Variants in CEMIP2 observed in about 807,000 individuals in gnomAD.
CEMIP2 encodes cell migration inducing hyaluronidase 2, also known as cell surface hyaluronidase CEMIP2.
Under a neutral mutation model 146.9 loss-of-function variants are expected in CEMIP2, and 79 were observed. That is an observed-to-expected ratio of 0.54 (90% CI 0.45 to 0.65). The LOEUF (loss-of-function observed/expected upper bound fraction) is 0.65, where lower values mean the gene tolerates loss of function less well. CEMIP2 is among the 30% of genes least tolerant of loss of function. The probability of loss-of-function intolerance (pLI) is 0.00; values close to 1 mark genes in which losing one functional copy is unlikely to be tolerated. For synonymous variants in CEMIP2, 601 were observed against 606.3 expected, an observed-to-expected ratio of 0.99 and a Z score of 0.13; for missense variants, 1,596 against 1,696.2, an observed-to-expected ratio of 0.94 and a Z score of 1.04.
intron 7 of CEMIP2, chr9:71,731,116 A>T: frequency 1.7e-6 from 1 of 593,308 alleles, no homozygotes; most frequent in Non-Finnish European, 3.0e-6. Context: ...AGCCACAAAA[A>T]TAGCCTCCAA....
chr9:71,725,763 A>G, intron 10 of CEMIP2, 54 bp from the exon 11 acceptor site: 1 of 1,549,540 alleles, frequency 6.5e-7, no homozygotes, highest in East Asian at 2.3e-5. Flanking sequence ...GATATCTATG[A>G]AACACTCTCA....
At chr9:71,718,223 A>C (rs1027483292) in intron 12 of CEMIP2, 144 bp from the exon 13 acceptor site, 46 of 752,822 alleles carry the variant, frequency 6.1e-5, no homozygotes, top group Non-Finnish European at 8.5e-5. Flanking sequence ...CTTACATTTT[A>C]AACATTCAAA....
At chr9:71,758,595 C>T (rs560522643) in intron 1 of CEMIP2, among the ~76,000 whole-genome samples, 2 of 152,266 alleles carry the variant, frequency 1.3e-5, no homozygotes, top group African/African-American at 4.8e-5. Context: ...ACAGGTAGCA[C>T]CCCTGAGAGG....
At chr9:71,695,577 G>A (rs1589128000) in intron 20 of CEMIP2, among the ~76,000 whole-genome samples, 1 of 152,176 alleles carries the variant, frequency 6.6e-6, no homozygotes, top group Admixed American at 6.5e-5. Flanking sequence ...GGGAGGCTGA[G>A]GCAGGAGAAT....
At chr9:71,724,558 G>A (rs530865143) in intron 11 of CEMIP2, among the ~76,000 whole-genome samples, 14 of 151,996 alleles carry the variant, frequency 9.2e-5, no homozygotes, top group African/African-American at 2.2e-4. Flanking sequence ...ACTCTGGTGC[G>A]GGTCACATCA....
intron 3 of CEMIP2, 108 bp downstream of exon 3, chr9:71,746,093 A>G (rs1325502501): frequency 2.4e-6 from 3 of 1,275,550 alleles, no homozygotes; most frequent in East Asian, 2.4e-5. Context: ...TGACACCACA[A>G]ACTAAAGCCT....
At chr9:71,740,360 CTA>C in intron 4 of CEMIP2, 128 bp from the exon 5 acceptor site, 1 of 1,119,754 alleles carries the variant, frequency 8.9e-7, no homozygotes, top group East Asian at 2.5e-5. Flanking sequence ...AATGTTTTTT[CTA>C]TATGAGGCTG....
intron 19 of CEMIP2, chr9:71,699,531 A>G: frequency 2.7e-6 from 1 of 375,112 alleles, no homozygotes. Context: ...AAAACTTTTA[A>G]GCTGATAACA....
intron 16 of CEMIP2, 129 bp from the exon 17 acceptor site, chr9:71,709,603 T>C (rs1197357561): frequency 1.1e-5 from 8 of 735,646 alleles, no homozygotes; most frequent in Non-Finnish European, 1.6e-5. Flanking sequence ...TTACAGTTCA[T>C]AGTTGTCAGC....
chr9:71,697,836 T>G (rs1822443881), intron 20 of CEMIP2, 149 bp downstream of exon 20: 1 of 744,302 alleles, frequency 1.3e-6, no homozygotes. Flanking sequence ...CTTACGCGCT[T>G]CACATTTTAG....
rs1253709774 is a variant in CEMIP2 at position 71,760,871 on chromosome 9, G to T, written c.-13+7486C>A. 3.9e-5 allele frequency among the ~76,000 whole-genome samples: 6 copies of T among 152,334 alleles called. No homozygotes were observed. The South Asian group carries it at 8.3e-4, about 21-fold the overall frequency. On this transcript the variant is annotated intron_variant, in intron 1 of 23. Transcript: ENST00000377044. ...GGGAAAAAGGTCGTTGTACCTACCA[G>T]TCATTCTCTATTCCCTTCGGTTTCC...
chr9:71,739,361 C>CA lies in CEMIP2; in HGVS notation c.1204+701dup, dbSNP rs71353516. ...TGGGTGACAGAGTGAGACTCTGTCT[C>CA]AAAAAAAAAAAAAAAAAAAAAAAAA... On this transcript the variant is annotated intron_variant, in intron 5 of 23. Transcript: ENST00000377044. Among the ~76,000 whole-genome samples the CA allele has an allele frequency of 2.5e-3, 108 of 42,828 alleles. 2 individuals are homozygous for CA. Among genetic ancestry groups the CA allele is most frequent in the African/African-American group, 6.3e-3 (57 of 9,060 alleles). The allele number at this position is 42,828 out of a possible 152,430, so 28.1% of individuals were successfully genotyped here.
At chr9:71,693,961 T>C (rs1454081876) in intron 21 of CEMIP2, among the ~76,000 whole-genome samples, 1 of 152,192 alleles carries the variant, frequency 6.6e-6, no homozygotes, top group Non-Finnish European at 1.5e-5. Flanking sequence ...GAGAGACCCC[T>C]GGACCGTTCT....
chr9:71,739,280 T>C (rs1433209599), intron 5 of CEMIP2, among the ~76,000 whole-genome samples: 2 of 135,678 alleles, frequency 1.5e-5, no homozygotes, highest in African/African-American at 5.5e-5. Flanking sequence ...AGGCAGAGAA[T>C]TGCTTGAACC....
At chr9:71,724,128 C>T (rs1337222976) in intron 11 of CEMIP2, among the ~76,000 whole-genome samples, 1 of 151,988 alleles carries the variant, frequency 6.6e-6, no homozygotes, top group African/African-American at 2.4e-5. Flanking sequence ...AACCCTGTCT[C>T]TACTAAAAAT....
chr9:71,703,488 C>T (rs112067694), intron 18 of CEMIP2, among the ~76,000 whole-genome samples: 232 of 152,318 alleles, frequency 1.5e-3, no homozygotes, highest in African/African-American at 5.4e-3. Context: ...TGAATTCCTA[C>T]ATGCTCTAGT....
chr9:71,685,255 G>T lies in CEMIP2; in HGVS notation c.4094C>A (p.Ala1365Asp). 3 of 1,613,766 alleles carry T rather than the reference G, an allele frequency of 1.9e-6. No homozygotes were observed. Among genetic ancestry groups the T allele is most frequent in the Non-Finnish European group, 1.7e-6 (2 of 1,179,920 alleles). ...LQLDEYGCPR[A>D]TTVRRRDLEL... ...CAGGTCTCTTCTGCGGACAGTGGTG[G>T]CTCTGGGACAACCATATTCGTCCAG... Residue 1365 changes from alanine (A) to aspartate (D), a missense_variant, in exon 24 of 24, where the codon GCC becomes GAC. Coordinates refer to ENST00000377044, the MANE Select transcript of CEMIP2 (RefSeq NM_013390.3).
chr9:71,720,801 T>C (rs1383991088), intron 12 of CEMIP2, among the ~76,000 whole-genome samples: 1 of 152,236 alleles, frequency 6.6e-6, no homozygotes, highest in Non-Finnish European at 1.5e-5. Flanking sequence ...CCTTTTCTGC[T>C]ATAATCAGTT....
Position 71,715,032 on chromosome 9 carries a change from A to C in CEMIP2, c.2493T>G (p.Phe831Leu). The part of the protein sequence containing the change: ...GSSQEVSESL[F>L]VGESRNYGFQ... The stretch of plus-strand genomic sequence containing the variant: ...AGCCGTAATTCCTGCTCTCCCCAAC[A>C]AAGAGAGATTCAGATACCTCTTGGC... Residue 831 changes from phenylalanine to leucine, a missense_variant, in exon 15 of 24, where the codon TTT (phenylalanine) becomes TTG (leucine). Physicochemically the swap from Phe to Leu is conservative, Grantham distance 22. Coordinates refer to ENST00000377044, the MANE Select transcript of CEMIP2 (RefSeq NM_013390.3). 6.2e-7 allele frequency: 1 copy of C among 1,613,968 alleles called. No individual in the cohort carries two copies. Among genetic ancestry groups the C allele is most frequent in the Non-Finnish European group, 8.5e-7 (1 of 1,179,934 alleles).
Sources: allele counts gnomAD v4.1 joint callset (sites outside exome capture counted in the v4.1 genomes callset), GRCh38; gene constraint gnomAD v4.1.1; transcripts MANE v1.5; gene names NCBI Gene and HGNC (gene_info 2026-07-23, HGNC 2026-07-21).